The following KIF26A variants were observed in gnomAD, a reference collection of about 807,000 sequenced individuals.
The protein encoded by KIF26A is kinesin-like protein KIF26A.
A neutral mutation model predicts 126.0 loss-of-function variants in KIF26A; 74 were observed. The ratio of observed to expected loss-of-function variants is 0.59; its 90% CI spans 0.49 to 0.71. KIF26A has a LOEUF of 0.71. Among genes scored for constraint, KIF26A ranks in the 30% least tolerant of loss-of-function variants. The pLI, the probability that KIF26A is intolerant of heterozygous loss-of-function variation, is 0.00. For synonymous variants in KIF26A, 1,445 were observed against 1,232.7 expected, an observed-to-expected ratio of 1.17 and a Z score of -3.61; for missense variants, 2,984 against 2,763.3, an observed-to-expected ratio of 1.08 and a Z score of -1.79.
In KIF26A at chr14:104,176,407, C is replaced by G; in HGVS notation, c.3619C>G (p.His1207Asp). The G allele has an allele frequency of 6.3e-7, 1 of 1,591,806 alleles. No individual in the cohort carries two copies. The highest frequency in any genetic ancestry group is 8.6e-7 in the Non-Finnish European group (1 of 1,165,928). Residue 1207 changes from histidine (H) to aspartate (D), a missense_variant, in exon 12 of 15, where the codon CAC (histidine) becomes GAC (aspartate). By Grantham distance (81) the His-to-Asp change is moderately conservative. Coordinates refer to ENST00000423312, the MANE Select transcript of KIF26A (RefSeq NM_015656.2). The stretch of plus-strand genomic sequence containing the variant: ...GTGGGCATCCGCAGCCCAGACCATC[C>G]ACTCCAGCCTCCCCCGGAAACCGAG... ...SRWASAAQTIHSSLPRKPRTA... is the reference protein window; with the variant it reads ...SRWASAAQTIDSSLPRKPRTA...
rs1275785527 is a variant in KIF26A at position 104,139,156 on chromosome 14, A to G, written c.156A>G (p.Glu52=). The change falls in exon 2 of 15, where the codon GAA becomes GAG. Residue 52 remains glutamate, a synonymous_variant. Transcript: ENST00000423312. ...QDPCGSRPAP[E]GAGAGPEQGH... ...CATGCGGCAGCCGCCCTGCTCCCGA[A>G]GGCGCCGGGGCCGGCCCAGAGCAGG... 1.3e-6 allele frequency: 2 copies of G among 1,516,586 alleles called. No individual in the cohort carries two copies. Among genetic ancestry groups the G allele is most frequent in the African/African-American group, 1.4e-5 (1 of 69,686 alleles). The allele number at this position is 1,516,586 out of a possible 1,614,324, so 93.9% of individuals were successfully genotyped here. A position where few individuals can be genotyped will look rare whatever the true frequency, so the allele number is the denominator to read the frequency against.
At chr14:104,161,362 G>A (rs552198070) in intron 4 of KIF26A, among the ~76,000 whole-genome samples, 1 of 152,320 alleles carries the variant, frequency 6.6e-6, no homozygotes, top group South Asian at 2.1e-4. Context: ...CAGTGTGGAA[G>A]CTCTGGGTTG....
chr14:104,159,633 C>G (rs966172653), intron 4 of KIF26A, among the ~76,000 whole-genome samples: 5 of 152,232 alleles, frequency 3.3e-5, no homozygotes, highest in African/African-American at 1.2e-4. Flanking sequence ...GCGCATCGGG[C>G]TGGGGACCCA....
In KIF26A at chr14:104,175,814, C is replaced by A; in HGVS notation, c.3026C>A (p.Pro1009Gln). The A allele has an allele frequency of 1.3e-6, 2 of 1,538,862 alleles. No homozygotes were observed. Among genetic ancestry groups the A allele is most frequent in the Non-Finnish European group, 1.7e-6 (2 of 1,146,926 alleles). Residue 1009 changes from proline to glutamine, a missense_variant, in exon 12 of 15, where the codon CCG becomes CAG. Transcript: ENST00000423312. The stretch of plus-strand genomic sequence containing the variant: ...CGCCTGGCTGCTGGCAGTCGCTGTC[C>A]GGAGCGGGGCCTGCTCACCACCACA... ...CPRLAAGSRC[P>Q]ERGLLTTTVT...
Position 104,159,796 on chromosome 14 carries a change from G to A in KIF26A, c.923+1854G>A, listed in dbSNP as rs116067694. Among the ~76,000 whole-genome samples the A allele has an allele frequency of 4.1e-3, 624 of 152,258 alleles. 1 individual carries two copies. The highest frequency in any genetic ancestry group is 6.6e-3 in the African/African-American group (276 of 41,540). ...GACATCCTGGCAGGTGGGCCCTGTC[G>A]GTGGATGCCTGACGTGGGCTGGGGT... On this transcript the variant is annotated intron_variant, in intron 4 of 14. Coordinates refer to ENST00000423312, the MANE Select transcript of KIF26A (RefSeq NM_015656.2).
chr14:104,157,625 G>T, intron 3 of KIF26A, 130 bp from the exon 4 acceptor site: 1 of 1,008,722 alleles, frequency 9.9e-7, no homozygotes, highest in Non-Finnish European at 1.4e-6. Context: ...GCTGGGCCCT[G>T]GGGGTGCAGA....
In KIF26A at chr14:104,179,766, G is replaced by A. The variant is rs560446076; in HGVS notation, c.5625G>A (p.Pro1875=). The A allele has an allele frequency of 5.4e-4, 836 of 1,545,232 alleles. 6 individuals are homozygous for A. The East Asian group carries it at 0.011, about 20-fold the overall frequency. Residue 1875 remains proline (P), a synonymous_variant, in exon 15 of 15, where the codon CCG becomes CCA. Transcript: ENST00000423312. ...DISVAASAAI[P]GPQEVDV The stretch of plus-strand genomic sequence containing the variant: ...GCGTTGCAGCCAGTGCTGCCATCCC[G>A]GGGCCGCAGGAGGTGGACGTCTGAG...
rs2141120179 is a variant in KIF26A, at chr14:104,177,174, A to G, written c.4386A>G (p.Val1462=). ...REAPGRPPRA[V]PKLGVPPSSP... is the part of the protein sequence containing the mutation. The stretch of plus-strand genomic sequence containing the variant: ...CCCCTGGGCGGCCTCCCCGGGCTGT[A>G]CCCAAGCTGGGTGTGCCACCCTCCA... The change falls in exon 12 of 15, where the codon GTA becomes GTG. Residue 1462 remains valine (V), a synonymous_variant. Coordinates refer to ENST00000423312, the MANE Select transcript of KIF26A (RefSeq NM_015656.2). 1 of 1,596,708 alleles carries G rather than the reference A, an allele frequency of 6.3e-7. No homozygotes were observed. The highest frequency in any genetic ancestry group is 8.5e-7 in the Non-Finnish European group (1 of 1,178,370).
Position 104,175,453 on chromosome 14 carries a change from G to A in KIF26A, c.2665G>A (p.Ala889Thr). The change falls in exon 12 of 15, where the codon GCC becomes ACC. Residue 889 changes from alanine (A) to threonine (T), a missense_variant. Transcript: ENST00000423312. ...ACCAGAGGCTGCATCCCCCAGGAAGGCCGTGGGCACCCCGATGGCTGCCAG... is the reference window on the plus strand; with the variant it reads ...ACCAGAGGCTGCATCCCCCAGGAAGACCGTGGGCACCCCGATGGCTGCCAG... ...SPPEAASPRK[A>T]VGTPMAASTP... 6.3e-7 allele frequency: 1 copy of A among 1,592,428 alleles called. No individual in the cohort carries two copies. The highest frequency in any genetic ancestry group is 1.1e-5 in the South Asian group (1 of 89,574).
chr14:104,179,280 G>A lies in KIF26A; in HGVS notation c.5361G>A (p.Arg1787=). 3 of 1,530,728 alleles carry A rather than the reference G, an allele frequency of 2.0e-6. No individual in the cohort carries two copies. Among genetic ancestry groups the A allele is most frequent in the Non-Finnish European group, 2.6e-6 (3 of 1,142,852 alleles). 94.8% of individuals were successfully genotyped at this position (1,530,728 alleles called of 1,614,324 possible). Residue 1787 remains arginine (R), a synonymous_variant, in exon 14 of 15, where the codon AGG becomes AGA. Transcript: ENST00000423312. ...CAAGGCTGCGGCTGGCGGAGCGCAG[G>A]CAGCAGCGGCTGCGGGAGGTGCAGG... ...VSTRLRLAER[R]QQRLREVQAK... is the part of the protein sequence containing the mutation.
At position 104,177,856 on chromosome 14, in the gene KIF26A, G is replaced by GCCCGCA. The variant is rs769749602; in HGVS notation, c.5075_5080dup (p.Thr1692_Arg1693dup). 633 of 1,558,570 alleles carry GCCCGCA rather than the reference G, an allele frequency of 4.1e-4. No homozygotes were observed. Among genetic ancestry groups the GCCCGCA allele is most frequent in the Non-Finnish European group, 4.5e-4 (527 of 1,158,866 alleles). On this transcript the variant is annotated inframe_insertion, in exon 12 of 15. Transcript: ENST00000423312. ...CGAGAGTGGGGCTGCCTCCCCAGGC[G>GCCCGCA]CCCGCACCCGCAGCCTCAAGTCCCC...
Position 104,166,970 on chromosome 14 carries a change from G to T in KIF26A, c.1035G>T (p.Gln345His). The change falls in exon 5 of 15, where the codon CAG (glutamine) becomes CAT (histidine). Residue 345 changes from glutamine (Q) to histidine (H), a missense_variant. Coordinates refer to ENST00000423312, the MANE Select transcript of KIF26A (RefSeq NM_015656.2). ...TYPTDFSGVL[Q>H]LWPPPAPPCL... ...CCACCGACTTCAGCGGGGTCCTGCAGCTGTGGCCGCCCCCGGCGCCCCCCT... is the reference window on the plus strand; with the variant it reads ...CCACCGACTTCAGCGGGGTCCTGCATCTGTGGCCGCCCCCGGCGCCCCCCT... The T allele has an allele frequency of 6.3e-7, 1 of 1,587,840 alleles. No individual in the cohort carries two copies. The highest frequency in any genetic ancestry group is 8.6e-7 in the Non-Finnish European group (1 of 1,168,156).
In KIF26A at chr14:104,179,917, C is replaced by A; in HGVS notation, c.*127C>A. On this transcript the variant is annotated 3_prime_UTR_variant, in exon 15 of 15. Coordinates refer to ENST00000423312, the MANE Select transcript of KIF26A (RefSeq NM_015656.2). ...GGGTTTCTGTGCAGGACGGGAGTCT[C>A]AGAGAGGAGACGGAGTGTGGGGGAG... 1.0e-6 allele frequency: 1 copy of A among 1,004,870 alleles called. No individual in the cohort carries two copies. Among genetic ancestry groups the A allele is most frequent in the South Asian group, 1.9e-5 (1 of 54,048 alleles). 62.2% of individuals were successfully genotyped at this position (1,004,870 alleles called of 1,614,324 possible).
chr14:104,154,984 G>A (rs2037763214), intron 3 of KIF26A, among the ~76,000 whole-genome samples: 1 of 152,204 alleles, frequency 6.6e-6, no homozygotes. Flanking sequence ...GGCAGGGGCA[G>A]ATCTTTGAAC....
intron 4 of KIF26A, among the ~76,000 whole-genome samples, chr14:104,162,888 T>C (rs896935686): frequency 1.3e-5 from 2 of 151,782 alleles, no homozygotes; most frequent in Non-Finnish European, 2.9e-5. Context: ...GGTGGGGGGC[T>C]TCCCACCTGC....
At chr14:104,164,391 G>A (rs2141106094) in intron 4 of KIF26A, among the ~76,000 whole-genome samples, 1 of 152,314 alleles carries the variant, frequency 6.6e-6, no homozygotes, top group African/African-American at 2.4e-5. Context: ...GTTGGGAGGT[G>A]GTGACACCCA....
rs970743197 is a variant in KIF26A, at chr14:104,151,297, C to G, written c.289-718C>G. Among the ~76,000 whole-genome samples, 47 of 152,102 alleles carry G rather than the reference C, an allele frequency of 3.1e-4. No homozygotes were observed. The highest frequency in any genetic ancestry group is 1.1e-3 in the African/African-American group (47 of 41,480). ...CCCAGTCTCAGGGTTCTAGAGAAAC[C>G]TGTGTGTCCCCCCAGTTCAGGGAAG... On this transcript the variant is annotated intron_variant, in intron 2 of 14. Coordinates refer to ENST00000423312, the MANE Select transcript of KIF26A (RefSeq NM_015656.2). The surrounding 1 kb of genome is among the most constrained non-coding windows in gnomAD (Gnocchi z 4.9).
Position 104,175,539 on chromosome 14 carries a change from C to T in KIF26A, c.2751C>T (p.Ala917=), listed in dbSNP as rs754629766. ...AGGGTACCCCTGAGCCCTGCAAGGC[C>T]ATTGTCTGGGGTGACCAGAGAGAGG... ...THQGTPEPCK[A]IVWGDQREDS... Residue 917 remains alanine, a synonymous_variant, in exon 12 of 15, where the codon GCC becomes GCT. Transcript: ENST00000423312. The T allele has an allele frequency of 2.3e-5, 37 of 1,602,706 alleles. No individual in the cohort carries two copies. The highest frequency in any genetic ancestry group is 3.0e-5 in the Non-Finnish European group (35 of 1,179,106).
At position 104,173,500 on chromosome 14, in the gene KIF26A, C is replaced by T. The variant is rs775726555; in HGVS notation, c.1854C>T (p.Cys618=). The change falls in exon 9 of 15, where the codon TGC becomes TGT. Residue 618 remains cysteine (C), a synonymous_variant. Coordinates refer to ENST00000423312, the MANE Select transcript of KIF26A (RefSeq NM_015656.2). Reference sequence around the variant, plus strand: ...TCTACCAGTACCGCATGGAGAAGTGCGGCCGGGGAGGAAGTAGGTGCCACA... The same window carrying T: ...TCTACCAGTACCGCATGGAGAAGTGTGGCCGGGGAGGAAGTAGGTGCCACA... ...LHVYQYRMEK[C]GRGGMSGGRS... is the part of the protein sequence containing the mutation. 1.5e-5 allele frequency: 23 copies of T among 1,562,722 alleles called. No homozygotes were observed. Among genetic ancestry groups the T allele is most frequent in the African/African-American group, 6.8e-5 (5 of 73,512 alleles).
Sources: allele counts gnomAD v4.1 joint callset (sites outside exome capture counted in the v4.1 genomes callset), GRCh38; gene constraint gnomAD v4.1.1; non-coding constraint Gnocchi (gnomAD v3.1); transcripts MANE v1.5; gene names NCBI Gene and HGNC (gene_info 2026-07-23, HGNC 2026-07-21).